Variants in ZMYM2 observed in about 807,000 individuals in gnomAD.
The protein encoded by ZMYM2 is zinc finger MYM-type protein 2.
A neutral mutation model predicts 162.8 loss-of-function variants in ZMYM2; 56 were observed. The ratio of observed to expected loss-of-function variants is 0.34; its 90% CI spans 0.28 to 0.43. The LOEUF (loss-of-function observed/expected upper bound fraction) is 0.43, where lower values mean the gene tolerates loss of function less well. Ranked by LOEUF, ZMYM2 falls within the 20% of genes least tolerant of loss-of-function variation. The pLI, the probability that ZMYM2 is intolerant of heterozygous loss-of-function variation, is 1.00. For missense variants in ZMYM2, 1,275 were observed against 1,621.8 expected (o/e 0.79, Z 3.67); for synonymous variants, 510 against 541.6 (o/e 0.94, Z 0.81).
Position 20,086,179 on chromosome 13 carries a change from CATT to C in ZMYM2, c.*169_*171del. ...TAAATAATCTGTGAGTGAAAGTTGC[CATT>C]ATTCTATGTAGTGGTTTTAGGATAC... On this transcript the variant is annotated 3_prime_UTR_variant, in exon 25 of 25. Coordinates refer to ENST00000610343, the MANE Select transcript of ZMYM2 (RefSeq NM_197968.4). The C allele has an allele frequency of 1.8e-6, 1 of 571,236 alleles. No individual in the cohort carries two copies. The highest frequency in any genetic ancestry group is 3.7e-5 in the South Asian group (1 of 26,746). The allele number at this position is 571,236 out of a possible 1,614,324, so 35.4% of individuals were successfully genotyped here. A position where few individuals can be genotyped will look rare whatever the true frequency, so the allele number is the denominator to read the frequency against.
At chr13:19,939,494 CT>C in the ZMYM2 span, among the ~76,000 whole-genome samples, 1 of 152,184 alleles carries the variant, frequency 6.6e-6, no homozygotes, top group African/African-American at 2.4e-5. Flanking sequence ...CTAATTTATA[CT>C]TCAACTGTCA....
intron 7 of ZMYM2, among the ~76,000 whole-genome samples, chr13:20,023,309 T>G (rs1566322238): frequency 6.6e-6 from 1 of 152,204 alleles, no homozygotes; most frequent in Non-Finnish European, 1.5e-5. Context: ...GGGGCGCCAT[T>G]TCCTAAATTA....
the ZMYM2 span, among the ~76,000 whole-genome samples, chr13:19,892,702 T>C: frequency 6.6e-6 from 1 of 151,596 alleles, no homozygotes; most frequent in African/African-American, 2.4e-5. Context: ...ATATTTAACA[T>C]AAAAATTTTT....
intron 6 of ZMYM2, 138 bp downstream of exon 6, chr13:20,006,724 G>T (rs1420502764): frequency 1.1e-6 from 1 of 911,778 alleles, no homozygotes; most frequent in Non-Finnish European, 1.7e-6. Flanking sequence ...TCATATCATG[G>T]AGCATACTGA....
intron 9 of ZMYM2, among the ~76,000 whole-genome samples, chr13:20,030,264 T>C (rs539365673): frequency 9.7e-4 from 147 of 150,998 alleles, no homozygotes; most frequent in African/African-American, 3.5e-3. Context: ...GGAGTCTCGC[T>C]CTGTCACCCA....
the ZMYM2 span, among the ~76,000 whole-genome samples, chr13:19,869,465 C>T: frequency 6.6e-6 from 1 of 152,038 alleles, no homozygotes; most frequent in Non-Finnish European, 1.5e-5. Flanking sequence ...TATATATTAG[C>T]TATATAAGCA....
chr13:20,036,768 C>A lies in ZMYM2; in HGVS notation c.2151C>A (p.Ala717=). ...GCKLLYKQDF[A]RRLGLRCVTC... ...AATTATTATACAAACAGGATTTTGC[C>A]AGACGTTTAGGATTGAGATGTGTTA... is the stretch of plus-strand genomic sequence containing the variant. The change falls in exon 12 of 25, where the codon GCC becomes GCA. Residue 717 remains alanine (A), a synonymous_variant. Coordinates refer to ENST00000610343, the MANE Select transcript of ZMYM2 (RefSeq NM_197968.4). The A allele has an allele frequency of 6.3e-7, 1 of 1,576,484 alleles. No individual in the cohort carries two copies. The highest frequency in any genetic ancestry group is 8.6e-7 in the Non-Finnish European group (1 of 1,162,318).
chr13:19,981,059 G>T (rs961841301), intron 2 of ZMYM2, among the ~76,000 whole-genome samples: 1 of 151,956 alleles, frequency 6.6e-6, no homozygotes, highest in Non-Finnish European at 1.5e-5. Flanking sequence ...ATCACTTAGG[G>T]CCAGGAGTTC....
intron 21 of ZMYM2, among the ~76,000 whole-genome samples, chr13:20,069,408 C>T (rs557536007): frequency 7.7e-6 from 1 of 129,558 alleles, no homozygotes; most frequent in African/African-American, 2.5e-5. Flanking sequence ...AAGTACGATG[C>T]ACCCTTTAGG....
At chr13:20,017,958 G>C (rs565161939) in intron 6 of ZMYM2, among the ~76,000 whole-genome samples, 2 of 152,216 alleles carry the variant, frequency 1.3e-5, no homozygotes, top group African/African-American at 2.4e-5. Context: ...CATGATAAAT[G>C]ATTTTTTTAT....
At chr13:20,074,423 A>G (rs1022344169) in intron 21 of ZMYM2, among the ~76,000 whole-genome samples, 1 of 151,946 alleles carries the variant, frequency 6.6e-6, no homozygotes, top group African/African-American at 2.4e-5. Context: ...TTTTGTAGAG[A>G]TGGGGTTTCG....
At chr13:19,904,569 T>G in the ZMYM2 span, among the ~76,000 whole-genome samples, 12 of 152,230 alleles carry the variant, frequency 7.9e-5, no homozygotes, top group African/African-American at 2.4e-4. Flanking sequence ...AAAAAAAATT[T>G]TTTTTAATAA....
At chr13:20,012,927 T>G in intron 6 of ZMYM2, among the ~76,000 whole-genome samples, 1 of 152,232 alleles carries the variant, frequency 6.6e-6, no homozygotes, top group Non-Finnish European at 1.5e-5. Context: ...CAAGATTGTT[T>G]GAATATTCTG....
the ZMYM2 span, among the ~76,000 whole-genome samples, chr13:19,935,753 CT>C: frequency 6.6e-6 from 1 of 152,074 alleles, no homozygotes; most frequent in African/African-American, 2.4e-5. Flanking sequence ...TCAAACAGTT[CT>C]CCTGCCTTTT....
the ZMYM2 span, among the ~76,000 whole-genome samples, chr13:19,926,360 A>ATTTTT: frequency 2.8e-5 from 3 of 105,432 alleles, no homozygotes; most frequent in African/African-American, 7.3e-5. Context: ...AGGACTACTT[A>ATTTTT]TTTTTTTTTT....
upstream of ZMYM2, among the ~76,000 whole-genome samples, chr13:19,957,188 T>C (rs1211957450): frequency 6.6e-6 from 1 of 152,336 alleles, no homozygotes; most frequent in East Asian, 1.9e-4. Context: ...TACTAGATTA[T>C]CCTCTGTAAG....
chr13:19,998,574 G>C (rs1490125067), intron 3 of ZMYM2, among the ~76,000 whole-genome samples: 1 of 152,018 alleles, frequency 6.6e-6, no homozygotes, highest in Non-Finnish European at 1.5e-5. Context: ...TTTCTTTCTC[G>C]TTGATTAGAT....
chr13:19,896,379 G>T, the ZMYM2 span, among the ~76,000 whole-genome samples: 1 of 150,730 alleles, frequency 6.6e-6, no homozygotes, highest in Admixed American at 6.6e-5. Flanking sequence ...CCTGACCTCA[G>T]GTGATCCGCC....
chr13:20,033,615 G>A (rs1385278091), intron 10 of ZMYM2, among the ~76,000 whole-genome samples: 1 of 152,194 alleles, frequency 6.6e-6, no homozygotes, highest in East Asian at 1.9e-4. Context: ...AATAATGAGA[G>A]AAAAGCTGCC....
Sources: allele counts gnomAD v4.1 joint callset (sites outside exome capture counted in the v4.1 genomes callset), GRCh38; gene constraint gnomAD v4.1.1; transcripts MANE v1.5; gene names NCBI Gene and HGNC (gene_info 2026-07-23, HGNC 2026-07-21).